The following DDX10 variants were observed in gnomAD, a reference collection of about 807,000 sequenced individuals.
DDX10 encodes DEAD-box helicase 10, also known as probable ATP-dependent RNA helicase DDX10.
In DDX10, 74 loss-of-function variants were observed where a neutral mutation model predicts 104.3. The observed-to-expected ratio is 0.71, with a 90% CI of 0.59 to 0.86. The LOEUF (loss-of-function observed/expected upper bound fraction) is 0.86. DDX10 is among the 40% of genes least tolerant of loss of function. DDX10 has a pLI of 0.00. For synonymous variants in DDX10, 351 were observed against 353.4 expected (o/e 0.99, Z 0.08); for missense variants, 952 against 1,040.0 (o/e 0.92, Z 1.16).
At chr11:108,770,544 CCTT>C (rs148446163) in intron 13 of DDX10, among the ~76,000 whole-genome samples, 15,745 of 134,776 alleles carry the variant, frequency 0.12, 1,366 homozygotes, top group East Asian at 0.29. Context: ...TGGTAACCAT[CCTT>C]CTACTCTCTC....
chr11:108,923,437 A>G lies in DDX10; in HGVS notation c.2450+5419A>G, dbSNP rs574281003. ...GTGGAGTGCCAAGGAATAGAGTAAG[A>G]ATCTTCTGCATTATTTAAATCATAT... On this transcript the variant is annotated intron_variant, in intron 17 of 17. Coordinates refer to ENST00000322536, the MANE Select transcript of DDX10 (RefSeq NM_004398.4). 1.7e-3 allele frequency among the ~76,000 whole-genome samples: 253 copies of G among 152,374 alleles called. 1 individual carries two copies. The highest frequency in any genetic ancestry group is 5.9e-3 in the African/African-American group (244 of 41,590).
intron 15 of DDX10, among the ~76,000 whole-genome samples, chr11:108,841,872 G>A (rs1862643403): frequency 6.6e-6 from 1 of 152,016 alleles, no homozygotes; most frequent in Non-Finnish European, 1.5e-5. Context: ...TTTTGGAATT[G>A]GCTTTTTTCA....
intron 17 of DDX10, among the ~76,000 whole-genome samples, chr11:108,923,560 T>C (rs748527765): frequency 5.9e-5 from 9 of 152,240 alleles, no homozygotes; most frequent in Non-Finnish European, 8.8e-5. Context: ...TTAGTGCCTG[T>C]CATGGGCCAG....
chr11:108,714,747 TTA>T (rs566918530), intron 10 of DDX10, among the ~76,000 whole-genome samples: 5,128 of 152,216 alleles, frequency 0.034, 283 homozygotes, highest in African/African-American at 0.12. Flanking sequence ...CATCAGAATC[TTA>T]CTTGTATTGG....
intron 13 of DDX10, among the ~76,000 whole-genome samples, chr11:108,745,701 T>G (rs2094331083): frequency 6.6e-6 from 1 of 152,172 alleles, no homozygotes; most frequent in African/African-American, 2.4e-5. Context: ...TTTCTATAAT[T>G]CTCTGAAGTC....
At chr11:108,806,404 C>T (rs1862101630) in intron 13 of DDX10, among the ~76,000 whole-genome samples, 1 of 152,072 alleles carries the variant, frequency 6.6e-6, no homozygotes, top group Non-Finnish European at 1.5e-5. Context: ...CTTTATGATA[C>T]TCTGTTTGGT....
At chr11:108,709,327 C>A (rs775582993) in intron 10 of DDX10, among the ~76,000 whole-genome samples, 1 of 152,210 alleles carries the variant, frequency 6.6e-6, no homozygotes, top group Non-Finnish European at 1.5e-5. Context: ...GAAGTATTCC[C>A]TCTGACTCTG....
intron 16 of DDX10, among the ~76,000 whole-genome samples, chr11:108,889,231 C>T (rs565727361): frequency 3.9e-4 from 60 of 152,190 alleles, no homozygotes; most frequent in Non-Finnish European, 8.2e-4. Context: ...TTGCTTCTTT[C>T]ATCTAAAATT....
At chr11:108,743,755 C>T (rs557320480) in intron 13 of DDX10, among the ~76,000 whole-genome samples, 2 of 152,214 alleles carry the variant, frequency 1.3e-5, no homozygotes, top group South Asian at 4.1e-4. Flanking sequence ...TGGCTGTGTA[C>T]TTCTTCAGCT....
chr11:108,848,445 A>T (rs1042472820), intron 15 of DDX10, among the ~76,000 whole-genome samples: 2 of 152,174 alleles, frequency 1.3e-5, no homozygotes, highest in African/African-American at 4.8e-5. Flanking sequence ...ATATGAGAGG[A>T]TAAAAGATCC....
At chr11:108,685,295 C>T (rs2094242013) in intron 6 of DDX10, among the ~76,000 whole-genome samples, 1 of 151,074 alleles carries the variant, frequency 6.6e-6, no homozygotes, top group Admixed American at 6.6e-5. Flanking sequence ...ACCCGATTTT[C>T]CAGGTGCGTC....
intron 2 of DDX10, among the ~76,000 whole-genome samples, chr11:108,674,327 T>C (rs1331209035): frequency 6.6e-6 from 1 of 152,184 alleles, no homozygotes; most frequent in South Asian, 2.1e-4. Flanking sequence ...ATATTTACAG[T>C]GTATACATGA....
chr11:108,719,975 C>G, intron 12 of DDX10, 90 bp downstream of exon 12: 2 of 837,542 alleles, frequency 2.4e-6, no homozygotes, highest in Middle Eastern at 6.3e-4. Flanking sequence ...TGCTATGTTG[C>G]CCAGGCTGTC....
At chr11:108,904,581 A>G (rs1565314349) in intron 16 of DDX10, among the ~76,000 whole-genome samples, 1 of 152,342 alleles carries the variant, frequency 6.6e-6, no homozygotes, top group East Asian at 1.9e-4. Flanking sequence ...ACTGAGAGAA[A>G]TGGACTGGGT....
chr11:108,844,370 A>G (rs1167370684), intron 15 of DDX10, among the ~76,000 whole-genome samples: 3 of 152,208 alleles, frequency 2.0e-5, no homozygotes, highest in Non-Finnish European at 2.9e-5. Flanking sequence ...GTAAACACAC[A>G]TATGTATTTG....
chr11:108,747,710 T>C (rs1158778795), intron 13 of DDX10, among the ~76,000 whole-genome samples: 1 of 152,184 alleles, frequency 6.6e-6, no homozygotes, highest in Non-Finnish European at 1.5e-5. Context: ...ATTAGTGCCC[T>C]ATCTGATCTT....
At chr11:108,746,803 A>G (rs373500108) in intron 13 of DDX10, among the ~76,000 whole-genome samples, 13 of 152,228 alleles carry the variant, frequency 8.5e-5, no homozygotes, top group African/African-American at 2.4e-4. Flanking sequence ...CTGATGATCA[A>G]TAAGGGCCTT....
chr11:108,839,701 CAA>C (rs1397437611), intron 14 of DDX10, among the ~76,000 whole-genome samples: 2 of 152,078 alleles, frequency 1.3e-5, no homozygotes, highest in African/African-American at 4.8e-5. Flanking sequence ...CGAAAAGTCA[CAA>C]AATCGTGTGC....
intron 13 of DDX10, among the ~76,000 whole-genome samples, chr11:108,737,093 A>G (rs577373955): frequency 6.6e-6 from 1 of 152,264 alleles, no homozygotes; most frequent in East Asian, 1.9e-4. Context: ...CATGGAGTCC[A>G]TTTCTTCAAA....
Sources: gnomAD v4.1 joint callset for allele counts (sites outside exome capture counted in the v4.1 genomes callset) on GRCh38, gnomAD v4.1.1 for gene constraint, MANE v1.5 for transcripts, NCBI Gene and HGNC (gene_info 2026-07-23, HGNC 2026-07-21) for gene names.